TCF7L2: variants seen among roughly 807,000 people sequenced by gnomAD.
The protein encoded by TCF7L2 is transcription factor 7-like 2.
In TCF7L2, 23 loss-of-function variants were observed where a neutral mutation model predicts 77.9. The observed-to-expected ratio is 0.30, with a 90% CI of 0.21 to 0.42. The LOEUF (loss-of-function observed/expected upper bound fraction) is 0.42, where lower values mean the gene tolerates loss of function less well. Among genes scored for constraint, TCF7L2 ranks in the 10% least tolerant of loss-of-function variants. The probability of loss-of-function intolerance (pLI) is 1.00; values close to 1 mark genes in which losing one functional copy is unlikely to be tolerated. For missense variants in TCF7L2, 654 were observed against 793.1 expected (o/e 0.82, Z 2.11); for synonymous variants, 413 against 340.2 (o/e 1.21, Z -2.36).
intron 3 of TCF7L2, among the ~76,000 whole-genome samples, chr10:112,955,574 T>G (rs1299573387): frequency 6.6e-6 from 1 of 152,208 alleles, no homozygotes; most frequent in Non-Finnish European, 1.5e-5. Context: ...TTTGACTGTT[T>G]AAGGGAAGGA....
At chr10:113,009,642 C>T (rs2133565993) in intron 4 of TCF7L2, among the ~76,000 whole-genome samples, 1 of 152,288 alleles carries the variant, frequency 6.6e-6, no homozygotes, top group Non-Finnish European at 1.5e-5. Flanking sequence ...TTGCCCTAAC[C>T]CTCTTGAGCT....
At chr10:113,034,406 T>C (rs1450818213) in intron 4 of TCF7L2, among the ~76,000 whole-genome samples, 3 of 152,064 alleles carry the variant, frequency 2.0e-5, no homozygotes, top group African/African-American at 7.3e-5. Flanking sequence ...ACTGAAAGAT[T>C]AGGAGCAGCC....
At chr10:112,987,852 A>T (rs2041844919) in intron 4 of TCF7L2, 1 of 176,136 alleles carries the variant, frequency 5.7e-6, no homozygotes, top group Non-Finnish European at 1.2e-5. Flanking sequence ...AAAGCCTGGG[A>T]TTCTTTTTCT....
intron 5 of TCF7L2, among the ~76,000 whole-genome samples, chr10:113,138,205 C>T (rs2067710870): frequency 6.6e-6 from 1 of 151,886 alleles, no homozygotes; most frequent in African/African-American, 2.4e-5. Flanking sequence ...TTTTTTCCCC[C>T]TAAAGCCAGG....
In TCF7L2 at chr10:113,118,520, G is replaced by GTGTGTGTGTGTGTGTGTGT. The variant is rs1555084612; in HGVS notation, c.553-22664_553-22663insTGTGTGTGTGTGTGTGTGT. 1.5e-3 allele frequency among the ~76,000 whole-genome samples: 217 copies of GTGTGTGTGTGTGTGTGTGT among 141,514 alleles called. 1 individual carries two copies. The highest frequency in any genetic ancestry group is 5.1e-3 in the East Asian group (23 of 4,494). The allele number at this position is 141,514 out of a possible 152,430, so 92.8% of individuals were successfully genotyped here. ...TTTTCAACCAACTGGTCATCTGGGG[G>GTGTGTGTGTGTGTGTGTGT]GTGTGTGTGTGTGTGTGTGTGTGTG... On this transcript the variant is annotated intron_variant, in intron 5 of 13. Coordinates refer to ENST00000627217, the MANE Select transcript of TCF7L2 (RefSeq NM_001146274.2).
At chr10:113,095,331 C>G (rs1000701350) in intron 5 of TCF7L2, among the ~76,000 whole-genome samples, 1 of 152,186 alleles carries the variant, frequency 6.6e-6, no homozygotes, top group East Asian at 1.9e-4. Flanking sequence ...TCCTCACCCC[C>G]TCTCTACCCC....
intron 5 of TCF7L2, among the ~76,000 whole-genome samples, chr10:113,101,138 C>T (rs938702307): frequency 2.6e-5 from 4 of 152,134 alleles, no homozygotes; most frequent in Non-Finnish European, 4.4e-5. Context: ...TTTAATAGGA[C>T]GTTCTACTCA....
At chr10:113,083,225 G>T (rs191599295) in intron 5 of TCF7L2, among the ~76,000 whole-genome samples, 54 of 149,352 alleles carry the variant, frequency 3.6e-4, no homozygotes, top group African/African-American at 1.3e-3. Flanking sequence ...TGCCATTCGT[G>T]ACTCTAGGAC....
intron 4 of TCF7L2, among the ~76,000 whole-genome samples, chr10:113,015,708 C>T (rs2047225457): frequency 6.6e-6 from 1 of 151,914 alleles, no homozygotes; most frequent in South Asian, 2.1e-4. Context: ...TCTCAAACTC[C>T]TGGGCCTCAA....
intron 4 of TCF7L2, among the ~76,000 whole-genome samples, chr10:112,990,636 G>A (rs2042367352): frequency 1.3e-5 from 2 of 152,008 alleles, no homozygotes; most frequent in African/African-American, 4.8e-5. Flanking sequence ...AGCTCAGGAG[G>A]TCCAGGCTGC....
At chr10:113,038,924 A>G (rs1590857185) in intron 4 of TCF7L2, among the ~76,000 whole-genome samples, 1 of 152,076 alleles carries the variant, frequency 6.6e-6, no homozygotes, top group African/African-American at 2.4e-5. Context: ...CCAGCCATTT[A>G]TTTTGCTTGA....
rs1272359425 is a variant in TCF7L2 at position 112,950,758 on chromosome 10, TGCC to T, written c.5_7del (p.Pro2?). ...TTGCTGCTGGTGGGTGAAAAAAAAA[TGCC>T]GCAGCTGAACGGCGGTGGAGGGGAT... On this transcript the variant is annotated start_lost and inframe_deletion, in exon 1 of 14. Transcript: ENST00000627217. 2 of 1,555,104 alleles carry T rather than the reference TGCC, an allele frequency of 1.3e-6. No homozygotes were observed. Among genetic ancestry groups the T allele is most frequent in the Non-Finnish European group, 1.7e-6 (2 of 1,150,920 alleles).
chr10:113,132,627 C>T (rs369935275), intron 5 of TCF7L2, among the ~76,000 whole-genome samples: 3 of 152,076 alleles, frequency 2.0e-5, no homozygotes, highest in African/African-American at 4.8e-5. Context: ...GGGATAGGTT[C>T]GATTTATTTC....
intron 5 of TCF7L2, among the ~76,000 whole-genome samples, chr10:113,086,262 TCTC>T (rs1027945391): frequency 2.6e-5 from 4 of 152,106 alleles, no homozygotes; most frequent in African/African-American, 9.7e-5. Flanking sequence ...TAAATTCCTC[TCTC>T]CTCAAACCCA....
At chr10:113,144,056 T>C in intron 7 of TCF7L2, 31 bp downstream of exon 7, 1 of 1,553,954 alleles carries the variant, frequency 6.4e-7, no homozygotes, top group South Asian at 1.1e-5. Flanking sequence ...ATTTCCTTTT[T>C]GTTTCTTACA....
At chr10:112,963,921 T>TG (rs1485904327) in intron 3 of TCF7L2, among the ~76,000 whole-genome samples, 1 of 152,090 alleles carries the variant, frequency 6.6e-6, no homozygotes, top group Non-Finnish European at 1.5e-5. Context: ...GCCCTCTCTT[T>TG]GGGGAAGTGT....
intron 5 of TCF7L2, among the ~76,000 whole-genome samples, chr10:113,062,190 C>T (rs4917642): frequency 0.52 from 79,089 of 151,962 alleles, 23,313 homozygotes; most frequent in African/African-American, 0.79. Flanking sequence ...AACCAGTCCT[C>T]TATCACCTCT....
In TCF7L2 at chr10:113,160,081, C is replaced by T. The variant is rs575138497; in HGVS notation, c.1319-538C>T. 3.5e-5 allele frequency: 42 copies of T among 1,195,154 alleles called. No individual in the cohort carries two copies. The Admixed American group carries it at 7.7e-4, about 22-fold the overall frequency. 74.0% of individuals were successfully genotyped at this position (1,195,154 alleles called of 1,614,324 possible). A position where few individuals can be genotyped will look rare whatever the true frequency, so the allele number is the denominator to read the frequency against. On this transcript the variant is annotated intron_variant, in intron 12 of 13. Coordinates refer to ENST00000627217, the MANE Select transcript of TCF7L2 (RefSeq NM_001146274.2). ...TTCTCTGGCCTGTTGCTTTGTAGCT[C>T]TGTGTGTGGATCTCAGGAGACACAG...
chr10:113,124,872 C>T (rs1006018911), intron 5 of TCF7L2, among the ~76,000 whole-genome samples: 25 of 151,846 alleles, frequency 1.6e-4, no homozygotes, highest in Non-Finnish European at 2.9e-5. Flanking sequence ...CATCTTGGCT[C>T]CGAAGGAGTC....
Sources: allele counts gnomAD v4.1 joint callset (sites outside exome capture counted in the v4.1 genomes callset), GRCh38; gene constraint gnomAD v4.1.1; transcripts MANE v1.5; gene names NCBI Gene and HGNC (gene_info 2026-07-23, HGNC 2026-07-21).